The following OR1J2 variants were observed in gnomAD, a reference collection of about 807,000 sequenced individuals.
OR1J2 encodes olfactory receptor family 1 subfamily J member 2.
For missense variants in OR1J2, 304 were observed against 246.1 expected (o/e 1.24, Z -1.57); for synonymous variants, 142 against 99.7 (o/e 1.42, Z -2.52).
At chr9:122,494,924 ATCTT>A in the OR1J2 span, among the ~76,000 whole-genome samples, 29 of 152,248 alleles carry the variant, frequency 1.9e-4, no homozygotes, top group Admixed American at 1.9e-3. Flanking sequence ...AAAAGATTGT[ATCTT>A]TCTTTCATTT....
chr9:122,482,933 T>C, the OR1J2 span, among the ~76,000 whole-genome samples: 1 of 152,182 alleles, frequency 6.6e-6, no homozygotes, highest in Admixed American at 6.5e-5. Context: ...AAATAAGTTG[T>C]CATGCTCTAT....
chr9:122,468,903 A>C, the OR1J2 span, among the ~76,000 whole-genome samples: 1 of 152,230 alleles, frequency 6.6e-6, no homozygotes, highest in Non-Finnish European at 1.5e-5. Context: ...GGACCTCTCC[A>C]TCAGATGAAA....
the OR1J2 span, chr9:122,477,367 A>C: frequency 6.2e-7 from 1 of 1,614,150 alleles, no homozygotes; most frequent in Admixed American, 1.7e-5. Flanking sequence ...TGAGCAGGAC[A>C]ACTTGAGCAG....
chr9:122,553,104 T>A, the OR1J2 span: 3 of 1,172,110 alleles, frequency 2.6e-6, no homozygotes, highest in East Asian at 7.1e-5. Flanking sequence ...TTTCTTTTTC[T>A]CCCAGCACAG....
the OR1J2 span, among the ~76,000 whole-genome samples, chr9:122,496,282 A>G: frequency 1.7e-4 from 26 of 152,278 alleles, no homozygotes; most frequent in African/African-American, 5.8e-4. Flanking sequence ...GGGCAGGGCC[A>G]TAGAGCTACC....
the OR1J2 span, among the ~76,000 whole-genome samples, chr9:122,575,951 T>C: frequency 9.8e-5 from 15 of 152,330 alleles, no homozygotes; most frequent in African/African-American, 3.6e-4. Flanking sequence ...CATATTTCTT[T>C]CTTTTTATTT....
chr9:122,522,609 C>T, the OR1J2 span, among the ~76,000 whole-genome samples: 1 of 135,172 alleles, frequency 7.4e-6, no homozygotes, highest in Admixed American at 7.4e-5. Context: ...GTGTGTGTAA[C>T]TCACATATAC....
At chr9:122,550,180 A>C in the OR1J2 span, among the ~76,000 whole-genome samples, 1 of 152,160 alleles carries the variant, frequency 6.6e-6, no homozygotes, top group African/African-American at 2.4e-5. Flanking sequence ...TTGAAATATA[A>C]AATCTCCGAA....
chr9:122,565,655 T>C, the OR1J2 span, among the ~76,000 whole-genome samples: 1 of 152,252 alleles, frequency 6.6e-6, no homozygotes, highest in Non-Finnish European at 1.5e-5. Flanking sequence ...AGAAGAAGTA[T>C]GGATCCCGTC....
the OR1J2 span, among the ~76,000 whole-genome samples, chr9:122,470,723 C>T: frequency 1.3e-5 from 2 of 152,176 alleles, no homozygotes; most frequent in African/African-American, 4.8e-5. Context: ...GAGGCTGTAC[C>T]CTGCAAAGCC....
chr9:122,448,193 G>A, the OR1J2 span, among the ~76,000 whole-genome samples: 1 of 152,278 alleles, frequency 6.6e-6, no homozygotes, highest in African/African-American at 2.4e-5. Context: ...GAAAACATAT[G>A]TGCAAAGGAA....
the OR1J2 span, among the ~76,000 whole-genome samples, chr9:122,492,751 T>C: frequency 6.6e-6 from 1 of 152,208 alleles, no homozygotes; most frequent in Admixed American, 6.5e-5. Flanking sequence ...CTATGTTGAA[T>C]AGAAGTGATG....
At chr9:122,524,836 G>C in the OR1J2 span, among the ~76,000 whole-genome samples, 89,446 of 151,970 alleles carry the variant, frequency 0.59, 28,132 homozygotes, top group East Asian at 0.87. Flanking sequence ...CACACCTCAG[G>C]CTTCCTCATG....
the OR1J2 span, among the ~76,000 whole-genome samples, chr9:122,501,466 C>T: frequency 6.6e-6 from 1 of 152,202 alleles, no homozygotes; most frequent in Non-Finnish European, 1.5e-5. Context: ...TTTCCGAAGC[C>T]TCAGGGAACA....
At chr9:122,546,705 T>A in the OR1J2 span, among the ~76,000 whole-genome samples, 1 of 152,236 alleles carries the variant, frequency 6.6e-6, no homozygotes, top group Non-Finnish European at 1.5e-5. Flanking sequence ...AAGAAATAAC[T>A]ACATGAAATT....
chr9:122,552,694 G>A, the OR1J2 span, among the ~76,000 whole-genome samples: 1 of 151,814 alleles, frequency 6.6e-6, no homozygotes, highest in Non-Finnish European at 1.5e-5. Flanking sequence ...AAGGCAAGTG[G>A]GGAGGAAGCT....
At chr9:122,552,246 C>T in the OR1J2 span, among the ~76,000 whole-genome samples, 80 of 152,234 alleles carry the variant, frequency 5.3e-4, no homozygotes, top group African/African-American at 1.9e-3. Flanking sequence ...GGCCAAACTT[C>T]TACAAGATCA....
chr9:122,449,803 C>G, the OR1J2 span, among the ~76,000 whole-genome samples: 1 of 152,116 alleles, frequency 6.6e-6, no homozygotes, highest in Admixed American at 6.5e-5. Context: ...ATAGCCGGAT[C>G]CTAGTTTATC....
At chr9:122,497,023 T>TA in the OR1J2 span, among the ~76,000 whole-genome samples, 1 of 152,118 alleles carries the variant, frequency 6.6e-6, no homozygotes. Flanking sequence ...AGGCCAGTCT[T>TA]ACTCACACCA....
Sources: allele counts gnomAD v4.1 joint callset (sites outside exome capture counted in the v4.1 genomes callset), GRCh38; gene constraint gnomAD v4.1.1; transcripts MANE v1.5; gene names NCBI Gene and HGNC (gene_info 2026-07-23, HGNC 2026-07-21).